The following ENTPD7 variants were observed in gnomAD, a reference collection of about 807,000 sequenced individuals.
ENTPD7 encodes ectonucleoside triphosphate diphosphohydrolase 7, also known as NTPDase 7.
ENTPD7 carries 53 observed loss-of-function variants against 77.9 expected under a neutral mutation model. The ratio of observed to expected loss-of-function variants is 0.68; its 90% CI spans 0.55 to 0.85. The LOEUF (loss-of-function observed/expected upper bound fraction) is 0.85. ENTPD7 is among the 40% of genes least tolerant of loss of function. ENTPD7 has a pLI of 0.00. For missense variants in ENTPD7, 636 were observed against 743.7 expected (o/e 0.86, Z 1.68); for synonymous variants, 248 against 274.9 (o/e 0.90, Z 0.97).
chr10:99,686,036 TTTGA>T (rs1166059106), intron 6 of ENTPD7, 141 bp downstream of exon 6: 6 of 563,670 alleles, frequency 1.1e-5, no homozygotes, highest in Non-Finnish European at 1.5e-5. Flanking sequence ...ACATAGTTGA[TTTGA>T]TTATTTGCAT....
At chr10:99,686,193 C>A (rs1398972419) in intron 6 of ENTPD7, among the ~76,000 whole-genome samples, 1 of 152,112 alleles carries the variant, frequency 6.6e-6, no homozygotes. Flanking sequence ...GCTAACTGTA[C>A]TTTTGAAAAC....
At chr10:99,672,997 GC>G (rs2035634447) in intron 3 of ENTPD7, among the ~76,000 whole-genome samples, 1 of 152,204 alleles carries the variant, frequency 6.6e-6, no homozygotes, top group South Asian at 2.1e-4. Context: ...GCAGTGAAAA[GC>G]CATTGTCTTC....
Position 99,709,118 on chromosome 10 carries a change from C to T in ENTPD7, c.*4435C>T. The T allele has an allele frequency of 1.0e-6, 1 of 982,924 alleles. No homozygotes were observed. Among genetic ancestry groups the T allele is most frequent in the Non-Finnish European group, 1.2e-6 (1 of 827,732 alleles). 60.9% of individuals were successfully genotyped at this position (982,924 alleles called of 1,614,324 possible). On this transcript the variant is annotated 3_prime_UTR_variant, in exon 13 of 13. Transcript: ENST00000370489. The stretch of plus-strand genomic sequence containing the variant: ...AAACAATTTTATACAATTTCCTTTA[C>T]TACAACATCCAAGCAATTCATTAGA...
Position 99,708,819 on chromosome 10 carries a change from C to A in ENTPD7, c.*4136C>A. ...TGTGCAAAGTCATAGTGACTGGCCT[C>A]CTAGCCCAACTACTTTGTCAGCTAC... is the stretch of plus-strand genomic sequence containing the variant. On this transcript the variant is annotated 3_prime_UTR_variant, in exon 13 of 13. Coordinates refer to ENST00000370489, the MANE Select transcript of ENTPD7 (RefSeq NM_020354.5). The A allele has an allele frequency of 1.0e-6, 1 of 985,386 alleles. No individual in the cohort carries two copies. The highest frequency in any genetic ancestry group is 1.2e-6 in the Non-Finnish European group (1 of 829,910). 61.0% of individuals were successfully genotyped at this position (985,386 alleles called of 1,614,324 possible).
In ENTPD7 at chr10:99,700,959, T is replaced by C; in HGVS notation, c.1336-14T>C. Reference sequence around the variant, plus strand: ...CCAAATTCATGTTGCACTATTTCTCTGTGGTTGATCCAGGATTACTGTGGC... The same window carrying C: ...CCAAATTCATGTTGCACTATTTCTCCGTGGTTGATCCAGGATTACTGTGGC... On this transcript the variant is annotated splice_polypyrimidine_tract_variant and intron_variant, in intron 10 of 12. Transcript: ENST00000370489. The C allele has an allele frequency of 6.2e-7, 1 of 1,611,366 alleles. No homozygotes were observed. Among genetic ancestry groups the C allele is most frequent in the Non-Finnish European group, 8.5e-7 (1 of 1,177,798 alleles).
intron 8 of ENTPD7, among the ~76,000 whole-genome samples, chr10:99,694,538 GTTTT>G (rs150413650): frequency 7.4e-6 from 1 of 134,446 alleles, no homozygotes. Flanking sequence ...AAGTTTTTTT[GTTTT>G]TTTTTTTTTT....
intron 8 of ENTPD7, among the ~76,000 whole-genome samples, chr10:99,693,538 T>C (rs1053984091): frequency 2.0e-5 from 3 of 152,192 alleles, no homozygotes; most frequent in African/African-American, 7.2e-5. Flanking sequence ...AGAAATGACT[T>C]TTGTGTGTGT....
rs1448455939 is a variant in ENTPD7, at chr10:99,709,298, T to C, written c.*4615T>C. ...ACTTTTCAAATTAATTCAAAACTAG[T>C]ATCTAATTGTCCTTTTTGCTGTGGT... On this transcript the variant is annotated 3_prime_UTR_variant, in exon 13 of 13. Coordinates refer to ENST00000370489, the MANE Select transcript of ENTPD7 (RefSeq NM_020354.5). 1 of 985,282 alleles carries C rather than the reference T, an allele frequency of 1.0e-6. No individual in the cohort carries two copies. Among genetic ancestry groups the C allele is most frequent in the African/African-American group, 1.7e-5 (1 of 57,248 alleles). 61.0% of individuals were successfully genotyped at this position (985,282 alleles called of 1,614,324 possible).
intron 8 of ENTPD7, among the ~76,000 whole-genome samples, chr10:99,694,538 GTT>G (rs150413650): frequency 4.5e-5 from 6 of 134,444 alleles, no homozygotes; most frequent in African/African-American, 1.1e-4. Flanking sequence ...AAGTTTTTTT[GTT>G]TTTTTTTTTT....
At chr10:99,691,260 G>A (rs2035879189) in intron 7 of ENTPD7, 125 bp from the exon 8 acceptor site, 2 of 1,006,026 alleles carry the variant, frequency 2.0e-6, no homozygotes, top group Non-Finnish European at 1.4e-6. Flanking sequence ...CCAGTGTTTT[G>A]GGATTACAGG....
Position 99,691,511 on chromosome 10 carries a change from C to A in ENTPD7, c.836C>A (p.Ala279Glu). The A allele has an allele frequency of 6.2e-7, 1 of 1,613,432 alleles. No individual in the cohort carries two copies. Among genetic ancestry groups the A allele is most frequent in the East Asian group, 2.2e-5 (1 of 44,878 alleles). The part of the protein sequence containing the change: ...EVPTSTSVLP[A>E]KQEEAAKILL... ...CCTACCTCAACCTCTGTCCTTCCTGCAAAGCAGGTACTTTACCTTTTAGGG... is the reference window on the plus strand; with the variant it reads ...CCTACCTCAACCTCTGTCCTTCCTGAAAAGCAGGTACTTTACCTTTTAGGG... Residue 279 changes from alanine (A) to glutamate (E), a missense_variant, in exon 8 of 13, where the codon GCA becomes GAA. Coordinates refer to ENST00000370489, the MANE Select transcript of ENTPD7 (RefSeq NM_020354.5).
intron 5 of ENTPD7, among the ~76,000 whole-genome samples, chr10:99,682,417 A>G (rs552659302): frequency 2.6e-5 from 4 of 152,324 alleles, no homozygotes; most frequent in Admixed American, 6.5e-5. Context: ...GATTATTTAT[A>G]TAGCCATTTG....
At chr10:99,694,530 G>GTTT (rs1268576957) in intron 8 of ENTPD7, among the ~76,000 whole-genome samples, 2 of 61,096 alleles carry the variant, frequency 3.3e-5, no homozygotes, top group Admixed American at 2.2e-4. Context: ...ATGTACATAA[G>GTTT]TTTTTTTGTT....
chr10:99,660,107 G>A (rs1232041452), intron 2 of ENTPD7, 143 bp downstream of exon 2: 6 of 1,304,876 alleles, frequency 4.6e-6, no homozygotes, highest in African/African-American at 3.0e-5. Context: ...ATGCAGAGAC[G>A]ATCAAAGTTG....
Position 99,704,720 on chromosome 10 carries a change from A to G in ENTPD7, c.*37A>G. The G allele has an allele frequency of 6.4e-7, 1 of 1,565,306 alleles. No homozygotes were observed. Among genetic ancestry groups the G allele is most frequent in the East Asian group, 2.3e-5 (1 of 43,432 alleles). On this transcript the variant is annotated 3_prime_UTR_variant, in exon 13 of 13. Transcript: ENST00000370489. ...GACTAGAGAAGCTTGAGCACCCCCG[A>G]GTTGCTGCTCATTGAATTCCTCCAC...
chr10:99,702,770 A>T, intron 12 of ENTPD7, 97 bp downstream of exon 12: 2 of 1,216,420 alleles, frequency 1.6e-6, no homozygotes, highest in South Asian at 3.7e-5. Context: ...ACCAGCTTAG[A>T]ATAGGTCTTA....
intron 12 of ENTPD7, among the ~76,000 whole-genome samples, chr10:99,703,169 G>A (rs1349753999): frequency 8.5e-5 from 13 of 152,324 alleles, no homozygotes; most frequent in African/African-American, 3.1e-4. Flanking sequence ...TGTTTTTAGT[G>A]GGGCTACTTT....
rs1263281719 is a variant in ENTPD7 at position 99,709,043 on chromosome 10, T to C, written c.*4360T>C. ...AGTGCCAAGTTTTCACTACATCTAT[T>C]CTTGTTCCTGTATTTCTTTTCGTAC... On this transcript the variant is annotated 3_prime_UTR_variant, in exon 13 of 13. Transcript: ENST00000370489. 1.9e-5 allele frequency: 19 copies of C among 983,326 alleles called. No individual in the cohort carries two copies. In the Admixed American group the frequency reaches 1.2e-3, roughly 60 times the overall value. 60.9% of individuals were successfully genotyped at this position (983,326 alleles called of 1,614,324 possible). A position where few individuals can be genotyped will look rare whatever the true frequency, so the allele number is the denominator to read the frequency against.
chr10:99,674,325 T>C (rs527641355), intron 3 of ENTPD7, among the ~76,000 whole-genome samples: 161 of 152,258 alleles, frequency 1.1e-3, no homozygotes, highest in Non-Finnish European at 1.9e-3. Context: ...TTTAAAACTA[T>C]GGTTCAAACA....
Sources: gnomAD v4.1 joint callset for allele counts (sites outside exome capture counted in the v4.1 genomes callset) on GRCh38, gnomAD v4.1.1 for gene constraint, MANE v1.5 for transcripts, NCBI Gene and HGNC (gene_info 2026-07-23, HGNC 2026-07-21) for gene names.